AUTS2: variants seen among roughly 807,000 people sequenced by gnomAD.
AUTS2 encodes autism susceptibility gene 2 protein.
In AUTS2, 17 loss-of-function variants were observed where a neutral mutation model predicts 112.4. The observed-to-expected ratio is 0.15, with a 90% confidence interval of 0.10 to 0.23. The LOEUF is 0.23. Among genes scored for constraint, AUTS2 ranks in the 10% least tolerant of loss-of-function variants. The pLI, the probability that AUTS2 is intolerant of heterozygous loss-of-function variation, is 1.00. For synonymous variants in AUTS2, 751 were observed against 702.7 expected (o/e 1.07, Z -1.09); for missense variants, 1,510 against 1,701.6 (o/e 0.89, Z 1.98).
chr7:70,191,402 A>G (rs1584858856), intron 4 of AUTS2, among the ~76,000 whole-genome samples: 2 of 151,932 alleles, frequency 1.3e-5, no homozygotes, highest in East Asian at 3.9e-4. Flanking sequence ...CGGTCTCCTG[A>G]CCTCATGATC....
At chr7:70,739,003 C>CTTTTTTTTTTTTTTTTTTTTTTTTTTTTT (rs57525224) in intron 6 of AUTS2, among the ~76,000 whole-genome samples, 2 of 57,306 alleles carry the variant, frequency 3.5e-5, no homozygotes, top group Non-Finnish European at 6.3e-5. Context: ...GTTTTGAGGC[C>CTTTTTTTTTTTTTTTTTTTTTTTTTTTTT]TTTTTTTTTT....
intron 13 of AUTS2, among the ~76,000 whole-genome samples, chr7:70,776,479 G>T (rs1223744022): frequency 1.3e-5 from 2 of 152,138 alleles, no homozygotes; most frequent in Non-Finnish European, 2.9e-5. Flanking sequence ...CAGGAAGGAA[G>T]GAATATTCTT....
chr7:69,903,820 C>T (rs1043971459), intron 2 of AUTS2, among the ~76,000 whole-genome samples: 5 of 152,116 alleles, frequency 3.3e-5, no homozygotes, highest in African/African-American at 1.2e-4. Context: ...TCTAACCTTG[C>T]TGGTAAGGAT....
At chr7:70,661,195 T>C (rs906129225) in intron 5 of AUTS2, among the ~76,000 whole-genome samples, 5 of 151,768 alleles carry the variant, frequency 3.3e-5, no homozygotes, top group Non-Finnish European at 7.4e-5. Context: ...CAGCTGAAAT[T>C]CCAGGCAGAA....
chr7:70,078,036 A>G (rs911228090), intron 2 of AUTS2, among the ~76,000 whole-genome samples: 6 of 152,088 alleles, frequency 3.9e-5, no homozygotes, highest in Admixed American at 2.0e-4. Context: ...ATCCTGGCCT[A>G]TTTATCACCA....
chr7:69,935,034 CA>C (rs1279018254), intron 2 of AUTS2, among the ~76,000 whole-genome samples: 1 of 152,138 alleles, frequency 6.6e-6, no homozygotes, highest in African/African-American at 2.4e-5. Flanking sequence ...GCTTTTTTCA[CA>C]ACAGATGTTG....
intron 4 of AUTS2, among the ~76,000 whole-genome samples, chr7:70,185,148 G>A (rs531882522): frequency 6.6e-6 from 1 of 151,820 alleles, no homozygotes; most frequent in East Asian, 1.9e-4. Flanking sequence ...CTAGAGCACT[G>A]TGGGAACTTA....
At chr7:69,663,731 G>A (rs1795908912) in intron 1 of AUTS2, among the ~76,000 whole-genome samples, 1 of 152,166 alleles carries the variant, frequency 6.6e-6, no homozygotes, top group Non-Finnish European at 1.5e-5. Flanking sequence ...TATGCTTTCT[G>A]TGGGCTCTTG....
intron 4 of AUTS2, among the ~76,000 whole-genome samples, chr7:70,181,458 AT>A (rs1275043646): frequency 6.7e-6 from 1 of 149,176 alleles, no homozygotes; most frequent in Non-Finnish European, 1.5e-5. Flanking sequence ...CCTTTGTCAT[AT>A]TTCACAGTTC....
intron 4 of AUTS2, among the ~76,000 whole-genome samples, chr7:70,257,627 T>G (rs910853732): frequency 6.6e-6 from 1 of 151,652 alleles, no homozygotes; most frequent in African/African-American, 2.4e-5. Context: ...CTGAAGTTTT[T>G]TTTTTTTTTT....
chr7:70,317,866 G>A (rs1790070365), intron 4 of AUTS2, among the ~76,000 whole-genome samples: 1 of 152,066 alleles, frequency 6.6e-6, no homozygotes, highest in South Asian at 2.1e-4. Flanking sequence ...CAATCTTTTT[G>A]GATTGTATCA....
intron 5 of AUTS2, among the ~76,000 whole-genome samples, chr7:70,623,846 G>T (rs992750253): frequency 1.3e-5 from 2 of 152,064 alleles, no homozygotes; most frequent in Non-Finnish European, 2.9e-5. Context: ...CAACCTTTAC[G>T]CACTGTCAGA....
At chr7:70,641,048 C>T (rs1429832739) in intron 5 of AUTS2, among the ~76,000 whole-genome samples, 1 of 152,204 alleles carries the variant, frequency 6.6e-6, no homozygotes, top group Non-Finnish European at 1.5e-5. Context: ...TAATCCCTCA[C>T]CCAGCTTCCA....
At chr7:70,479,745 A>G (rs1385716866) in intron 5 of AUTS2, among the ~76,000 whole-genome samples, 2 of 151,986 alleles carry the variant, frequency 1.3e-5, no homozygotes, top group Admixed American at 1.3e-4. Context: ...TGTGGAAGGG[A>G]AGCCTAATCT....
chr7:69,690,240 T>G (rs1261394670), intron 1 of AUTS2, among the ~76,000 whole-genome samples: 1 of 152,228 alleles, frequency 6.6e-6, no homozygotes, highest in East Asian at 1.9e-4. Context: ...GTTACTGTTT[T>G]CATGGAGTAT....
At chr7:70,150,086 G>C (rs891580567) in intron 4 of AUTS2, among the ~76,000 whole-genome samples, 1 of 152,004 alleles carries the variant, frequency 6.6e-6, no homozygotes, top group Admixed American at 6.6e-5. Context: ...AAAGTTACAC[G>C]TAAATTAAGT....
intron 2 of AUTS2, among the ~76,000 whole-genome samples, chr7:69,914,346 C>CAG (rs1562965510): frequency 7.2e-6 from 1 of 138,840 alleles, no homozygotes; most frequent in African/African-American, 2.7e-5. Context: ...GACACAGACA[C>CAG]ACACACACAG....
At chr7:70,296,188 T>A (rs1788926232) in intron 4 of AUTS2, among the ~76,000 whole-genome samples, 1 of 152,212 alleles carries the variant, frequency 6.6e-6, no homozygotes, top group African/African-American at 2.4e-5. Flanking sequence ...GTCTTAGTTG[T>A]TGTAAGAGTA....
At chr7:69,998,800 C>T (rs1446057591) in intron 2 of AUTS2, among the ~76,000 whole-genome samples, 2 of 152,132 alleles carry the variant, frequency 1.3e-5, no homozygotes, top group Non-Finnish European at 2.9e-5. Flanking sequence ...AAGAAGAAAT[C>T]CCCCTTACCA....
Sources: gnomAD v4.1 joint callset for allele counts (sites outside exome capture counted in the v4.1 genomes callset) on GRCh38, gnomAD v4.1.1 for gene constraint, MANE v1.5 for transcripts, NCBI Gene and HGNC (gene_info 2026-07-23, HGNC 2026-07-21) for gene names.